MDGA2: variants seen among roughly 807,000 people sequenced by gnomAD.
MDGA2 encodes MAM domain-containing glycosylphosphatidylinositol anchor protein 2.
A neutral mutation model predicts 117.8 loss-of-function variants in MDGA2; 40 were observed. That is an observed-to-expected ratio of 0.34 (90% CI 0.26 to 0.44). MDGA2 has a LOEUF of 0.44. MDGA2 is among the 20% of genes least tolerant of loss of function. The pLI is 1.00. For missense variants in MDGA2, 1,123 were observed against 1,250.6 expected (o/e 0.90, Z 1.54); for synonymous variants, 452 against 439.0 (o/e 1.03, Z -0.37).
At chr14:47,300,482 C>CT (rs56229432) in intron 2 of MDGA2, among the ~76,000 whole-genome samples, 22,867 of 147,592 alleles carry the variant, frequency 0.15, 1,844 homozygotes, top group Middle Eastern at 0.22. Context: ...ATTTTTTATT[C>CT]TTTTTTTTTT....
intron 8 of MDGA2, among the ~76,000 whole-genome samples, chr14:46,963,894 T>C (rs1414498620): frequency 6.6e-6 from 1 of 152,164 alleles, no homozygotes; most frequent in Non-Finnish European, 1.5e-5. Context: ...ACTTGAGTGG[T>C]GTTAAAAGAG....
At chr14:47,276,780 T>C (rs1420492832) in intron 2 of MDGA2, among the ~76,000 whole-genome samples, 1 of 152,214 alleles carries the variant, frequency 6.6e-6, no homozygotes, top group African/African-American at 2.4e-5. Context: ...TCTTTTGTTC[T>C]TCCTCTGAAT....
intron 8 of MDGA2, chr14:46,996,514 G>T (rs1887298523): frequency 6.6e-6 from 1 of 152,182 alleles, no homozygotes; most frequent in Admixed American, 6.6e-5. Context: ...AAGAGCCCAA[G>T]CCCAGAACAT....
At chr14:47,348,732 AT>A (rs1272255690) in intron 1 of MDGA2, among the ~76,000 whole-genome samples, 10 of 152,304 alleles carry the variant, frequency 6.6e-5, no homozygotes, top group Non-Finnish European at 8.8e-5. Context: ...GTGGAAAAAA[AT>A]GAGTGCAGAA....
chr14:47,340,408 G>A (rs141350322), intron 1 of MDGA2, among the ~76,000 whole-genome samples: 1 of 152,096 alleles, frequency 6.6e-6, no homozygotes, highest in East Asian at 1.9e-4. Context: ...ATAAAAAATA[G>A]CCAAAATACT....
At chr14:47,646,751 A>G (rs1280983730) in intron 1 of MDGA2, among the ~76,000 whole-genome samples, 3 of 152,234 alleles carry the variant, frequency 2.0e-5, no homozygotes, top group Admixed American at 6.5e-5. Context: ...TTCTGCACAA[A>G]TATTAGATGA....
intron 10 of MDGA2, among the ~76,000 whole-genome samples, chr14:46,894,874 G>GA (rs1482551068): frequency 6.6e-6 from 1 of 152,046 alleles, no homozygotes; most frequent in East Asian, 1.9e-4. Context: ...ATCAAGTTTG[G>GA]AAAAAACACA....
rs1309027832 is a variant in MDGA2, at chr14:47,108,434, A to C, written c.926-11311T>G. On this transcript the variant is annotated intron_variant, in intron 5 of 16. Coordinates refer to ENST00000399232, the MANE Select transcript of MDGA2 (RefSeq NM_001113498.3). ...AAGTGAATATGCCTTGCCCCACCTTAACTGATGACATTCCACCACAAAAGA... is the reference window on the plus strand; with the variant it reads ...AAGTGAATATGCCTTGCCCCACCTTCACTGATGACATTCCACCACAAAAGA... Among the ~76,000 whole-genome samples, 3 of 152,094 alleles carry C rather than the reference A, an allele frequency of 2.0e-5. No individual in the cohort carries two copies. In the East Asian group the frequency reaches 5.8e-4, roughly 29 times the overall value.
chr14:47,392,678 G>A (rs1342626533), intron 1 of MDGA2, among the ~76,000 whole-genome samples: 1 of 152,106 alleles, frequency 6.6e-6, no homozygotes, highest in East Asian at 1.9e-4. Flanking sequence ...CAGATGAGGA[G>A]CTGCTTTACA....
chr14:47,365,134 T>C (rs984947334), intron 1 of MDGA2, among the ~76,000 whole-genome samples: 1 of 152,234 alleles, frequency 6.6e-6, no homozygotes, highest in Non-Finnish European at 1.5e-5. Context: ...TATTATCATA[T>C]AAATCAAATA....
chr14:47,336,735 T>C (rs1380059768), intron 1 of MDGA2, among the ~76,000 whole-genome samples: 2 of 151,982 alleles, frequency 1.3e-5, no homozygotes, highest in Non-Finnish European at 2.9e-5. Flanking sequence ...AAGATCTCCA[T>C]CATATCACAT....
chr14:47,126,554 G>A (rs990925834), intron 5 of MDGA2, among the ~76,000 whole-genome samples: 1 of 152,118 alleles, frequency 6.6e-6, no homozygotes, highest in Admixed American at 6.6e-5. Context: ...TTTCACAGTA[G>A]GAAAGTTAAG....
chr14:47,589,705 G>A (rs1253944649), intron 1 of MDGA2, among the ~76,000 whole-genome samples: 2 of 151,858 alleles, frequency 1.3e-5, no homozygotes, highest in African/African-American at 4.8e-5. Flanking sequence ...TGCAAAAAAG[G>A]CAGAGGGGGT....
chr14:47,225,555 G>A (rs1481183372), intron 2 of MDGA2, among the ~76,000 whole-genome samples: 1 of 149,784 alleles, frequency 6.7e-6, no homozygotes, highest in East Asian at 2.0e-4. Context: ...GTAAACTATC[G>A]CCAAGGACAA....
intron 1 of MDGA2, among the ~76,000 whole-genome samples, chr14:47,667,633 C>T (rs1442599857): frequency 5.3e-5 from 8 of 152,316 alleles, no homozygotes; most frequent in South Asian, 2.1e-4. Context: ...AGGGTAGATA[C>T]ATTTTTCCAA....
chr14:47,555,288 T>A (rs566260271), intron 1 of MDGA2, among the ~76,000 whole-genome samples: 1 of 152,280 alleles, frequency 6.6e-6, no homozygotes, highest in Non-Finnish European at 1.5e-5. Flanking sequence ...ATGCTGCAAC[T>A]TTCTCAGTCA....
At chr14:46,974,617 C>G (rs1490738586) in intron 8 of MDGA2, among the ~76,000 whole-genome samples, 1 of 152,072 alleles carries the variant, frequency 6.6e-6, no homozygotes, top group African/African-American at 2.4e-5. Flanking sequence ...CAAGGTCATT[C>G]AATGGGGAAT....
chr14:47,476,864 A>T (rs1893852379), intron 1 of MDGA2, among the ~76,000 whole-genome samples: 1 of 152,202 alleles, frequency 6.6e-6, no homozygotes, highest in Non-Finnish European at 1.5e-5. Flanking sequence ...TTCATCTAAT[A>T]ATAACATCTA....
At chr14:47,129,135 T>A (rs1212987335) in intron 5 of MDGA2, among the ~76,000 whole-genome samples, 1 of 152,118 alleles carries the variant, frequency 6.6e-6, no homozygotes, top group Non-Finnish European at 1.5e-5. Flanking sequence ...AGGGTACATG[T>A]GCACAATGTG....
Sources: gnomAD v4.1 joint callset for allele counts (sites outside exome capture counted in the v4.1 genomes callset) on GRCh38, gnomAD v4.1.1 for gene constraint, MANE v1.5 for transcripts, NCBI Gene and HGNC (gene_info 2026-07-23, HGNC 2026-07-21) for gene names.